Variants in OSBPL5 observed in about 807,000 individuals in gnomAD.
OSBPL5 encodes the protein oxysterol-binding protein-related protein 5.
A neutral mutation model predicts 111.2 loss-of-function variants in OSBPL5; 71 were observed. The ratio of observed to expected loss-of-function variants is 0.64; its 90% CI spans 0.53 to 0.78. The LOEUF is 0.78. OSBPL5 is among the 30% of genes least tolerant of loss of function. The pLI is 0.00. For synonymous variants in OSBPL5, 549 were observed against 513.9 expected (o/e 1.07, Z -0.93); for missense variants, 1,210 against 1,189.3 (o/e 1.02, Z -0.26).
chr11:3,127,753 T>C (rs374862303), intron 2 of OSBPL5, among the ~76,000 whole-genome samples: 2 of 152,134 alleles, frequency 1.3e-5, no homozygotes, highest in Admixed American at 6.5e-5. Flanking sequence ...CTGGGGCCCT[T>C]GGACCACTCA....
rs1564829784 is a variant in OSBPL5, at chr11:3,103,745, A to AGCCTGTGCCG, written c.1245-426_1245-425insCGGCACAGGC. Reference sequence around the variant, plus strand: ...TCTGCTGCCCCTTCCTGCCTCTGCAACCCTCTTCCAGCTCTGCAGCCCCCT... The same window carrying AGCCTGTGCCG: ...TCTGCTGCCCCTTCCTGCCTCTGCAAGCCTGTGCCGCCCTCTTCCAGCTCTGCAGCCCCCT... On this transcript the variant is annotated intron_variant, in intron 10 of 21. Transcript: ENST00000263650. Among the ~76,000 whole-genome samples, 34 of 51,316 alleles carry AGCCTGTGCCG rather than the reference A, an allele frequency of 6.6e-4. 3 individuals carry two copies. In the South Asian group the frequency reaches 0.011, roughly 16 times the overall value. The allele number at this position is 51,316 out of a possible 152,430, so 33.7% of individuals were successfully genotyped here. A position where few individuals can be genotyped will look rare whatever the true frequency, so the allele number is the denominator to read the frequency against.
At chr11:3,111,819 T>A (rs2134434968) in intron 7 of OSBPL5, among the ~76,000 whole-genome samples, 1 of 152,338 alleles carries the variant, frequency 6.6e-6, no homozygotes, top group Middle Eastern at 3.4e-3. Flanking sequence ...TAGGCCAAAC[T>A]GAAAGAGTAA....
At position 3,090,536 on chromosome 11, in the gene OSBPL5, G is replaced by T. The variant is rs746380957; in HGVS notation, c.2398+22C>A. 13 of 1,608,192 alleles carry T rather than the reference G, an allele frequency of 8.1e-6. No individual in the cohort carries two copies. In the East Asian group the frequency reaches 2.7e-4, roughly 33 times the overall value. ...GCACCCCACCAGACAGAGGCCTTGGGGCTGGGCCCAAGGGGGCTCACCAGG... is the reference window on the plus strand; with the variant it reads ...GCACCCCACCAGACAGAGGCCTTGGTGCTGGGCCCAAGGGGGCTCACCAGG... On this transcript the variant is annotated intron_variant, in intron 20 of 21. Coordinates refer to ENST00000263650, the MANE Select transcript of OSBPL5 (RefSeq NM_020896.4).
Position 3,088,163 on chromosome 11 carries a change from G to T in OSBPL5, c.*42C>A, listed in dbSNP as rs1450322978. 2.0e-6 allele frequency: 3 copies of T among 1,493,748 alleles called. No homozygotes were observed. The highest frequency in any genetic ancestry group is 1.3e-5 in the South Asian group (1 of 74,074). 92.5% of individuals were successfully genotyped at this position (1,493,748 alleles called of 1,614,324 possible). ...GGCTTAAAGTGCTGGGTGCCTGGGAGGGAGGGCTCAGGACCGGCCAGGAGC... is the reference window on the plus strand; with the variant it reads ...GGCTTAAAGTGCTGGGTGCCTGGGATGGAGGGCTCAGGACCGGCCAGGAGC... On this transcript the variant is annotated 3_prime_UTR_variant, in exon 22 of 22. Transcript: ENST00000263650.
chr11:3,138,886 C>A (rs1479618940), intron 1 of OSBPL5, among the ~76,000 whole-genome samples: 2 of 152,230 alleles, frequency 1.3e-5, no homozygotes, highest in Non-Finnish European at 2.9e-5. Context: ...GCTCATCCTC[C>A]TAATTCCAGG....
chr11:3,119,962 T>C (rs1207961859), intron 6 of OSBPL5: 2 of 422,126 alleles, frequency 4.7e-6, no homozygotes, highest in Non-Finnish European at 8.5e-6. Flanking sequence ...GAGTAGCTTT[T>C]TGGTGTAAGT....
intron 14 of OSBPL5, among the ~76,000 whole-genome samples, 189 bp downstream of exon 14, chr11:3,099,969 G>C (rs1036649120): frequency 7.3e-6 from 1 of 136,514 alleles, no homozygotes; most frequent in Non-Finnish European, 1.5e-5. Flanking sequence ...TTGGAGCCAA[G>C]ATCACGCCAT....
intron 10 of OSBPL5, among the ~76,000 whole-genome samples, chr11:3,103,779 C>A (rs111992648): frequency 0.086 from 4,931 of 57,444 alleles, 428 homozygotes; most frequent in African/African-American, 0.23. Flanking sequence ...CTTCCAGCCT[C>A]TGCAGTCCCT....
chr11:3,088,020 CCT>C lies in OSBPL5; in HGVS notation c.*183_*184del. The stretch of plus-strand genomic sequence containing the variant: ...AAGGCCCTGCAGAGAGGCCAGTGCC[CCT>C]GAGAGGGGCCCAGCACACCTGGGCC... On this transcript the variant is annotated 3_prime_UTR_variant, in exon 22 of 22. Coordinates refer to ENST00000263650, the MANE Select transcript of OSBPL5 (RefSeq NM_020896.4). The C allele has an allele frequency of 2.0e-6, 1 of 509,648 alleles. No individual in the cohort carries two copies. Among genetic ancestry groups the C allele is most frequent in the Non-Finnish European group, 3.3e-6 (1 of 301,536 alleles). The allele number at this position is 509,648 out of a possible 1,614,324, so 31.6% of individuals were successfully genotyped here. A position where few individuals can be genotyped will look rare whatever the true frequency, so the allele number is the denominator to read the frequency against.
At chr11:3,118,256 T>C (rs1415098610) in intron 7 of OSBPL5, among the ~76,000 whole-genome samples, 1 of 152,194 alleles carries the variant, frequency 6.6e-6, no homozygotes, top group African/African-American at 2.4e-5. Context: ...TGCCCCCCCA[T>C]TCTATTCCAA....
Position 3,142,418 on chromosome 11 carries a change from A to G in OSBPL5, c.-21-13249T>C, listed in dbSNP as rs572284984. ...ACAACTGGGAAGCCCCTACCTCTCC[A>G]CCACGACCCCTCCATGCCCTGCTGC... On this transcript the variant is annotated intron_variant, in intron 1 of 21. Coordinates refer to ENST00000263650, the MANE Select transcript of OSBPL5 (RefSeq NM_020896.4). This position sits in a 1 kb window ranked among gnomAD's most constrained non-coding sequence, Gnocchi z 7.1. Among the ~76,000 whole-genome samples, 25 of 151,976 alleles carry G rather than the reference A, an allele frequency of 1.6e-4. 1 individual carries two copies. In the Middle Eastern group the frequency reaches 0.017, roughly 103 times the overall value.
Position 3,113,870 on chromosome 11 carries a change from G to T in OSBPL5, c.691+5677C>A, listed in dbSNP as rs944847069. Among the ~76,000 whole-genome samples, 2 of 152,158 alleles carry T rather than the reference G, an allele frequency of 1.3e-5. No individual in the cohort carries two copies. The highest frequency in any genetic ancestry group is 2.9e-5 in the Non-Finnish European group (2 of 68,030). On this transcript the variant is annotated intron_variant, in intron 7 of 21. Transcript: ENST00000263650. The surrounding 1 kb of genome is among the most constrained non-coding windows in gnomAD (Gnocchi z 4.8). ...CTATGCCCAGGAATGAACAAGGATA[G>T]CTTGAAGGTTAGAAACAAGATGGAG... is the stretch of plus-strand genomic sequence containing the variant.
At chr11:3,116,812 G>A (rs906189375) in intron 7 of OSBPL5, among the ~76,000 whole-genome samples, 9 of 140,006 alleles carry the variant, frequency 6.4e-5, no homozygotes, top group East Asian at 6.2e-4. Context: ...CCGAGATGGC[G>A]CCACTGCACT....
At position 3,092,292 on chromosome 11, in the gene OSBPL5, A is replaced by C; in HGVS notation, c.2259+140T>G. On this transcript the variant is annotated intron_variant, in intron 19 of 21. Coordinates refer to ENST00000263650, the MANE Select transcript of OSBPL5 (RefSeq NM_020896.4). The surrounding 1 kb of genome is among the most constrained non-coding windows in gnomAD (Gnocchi z 5.4). ...GAGTCCCATGCTCGGCAGAGAAGGA[A>C]AGGGGACGAGGGGGCTGGGGGATGA... 1 of 1,212,060 alleles carries C rather than the reference A, an allele frequency of 8.3e-7. No homozygotes were observed. The highest frequency in any genetic ancestry group is 1.1e-6 in the Non-Finnish European group (1 of 903,278). The allele number at this position is 1,212,060 out of a possible 1,614,324, so 75.1% of individuals were successfully genotyped here. A position where few individuals can be genotyped will look rare whatever the true frequency, so the allele number is the denominator to read the frequency against.
chr11:3,144,707 C>G (rs1170517056), intron 1 of OSBPL5, among the ~76,000 whole-genome samples: 1 of 152,250 alleles, frequency 6.6e-6, no homozygotes, highest in East Asian at 1.9e-4. Flanking sequence ...AACATGTCCC[C>G]CTTACAAATC....
At position 3,109,764 on chromosome 11, in the gene OSBPL5, G is replaced by A. The variant is rs1461228831; in HGVS notation, c.692-1819C>T. Among the ~76,000 whole-genome samples, 5 of 152,294 alleles carry A rather than the reference G, an allele frequency of 3.3e-5. No individual in the cohort carries two copies. Among genetic ancestry groups the A allele is most frequent in the Non-Finnish European group, 1.5e-5 (1 of 68,016 alleles). On this transcript the variant is annotated intron_variant, in intron 7 of 21. Transcript: ENST00000263650. This position sits in a 1 kb window ranked among gnomAD's most constrained non-coding sequence, Gnocchi z 7.4. Reference sequence around the variant, plus strand: ...GTGGGGAGCTGGAGGGGTCACAACTGCCGAGTTGGCCCCAGGGCCTGAACA... The same window carrying A: ...GTGGGGAGCTGGAGGGGTCACAACTACCGAGTTGGCCCCAGGGCCTGAACA...
chr11:3,117,282 G>A (rs1226637050), intron 7 of OSBPL5, among the ~76,000 whole-genome samples: 3 of 152,198 alleles, frequency 2.0e-5, no homozygotes, highest in Non-Finnish European at 4.4e-5. Context: ...CAGGGTTCCT[G>A]ACCTGTGGTA....
rs541172888 is a variant in OSBPL5 at position 3,091,528 on chromosome 11, G to A, written c.2260-832C>T. ...TGGGAGGCTGCAGAGGGCATTGGGG[G>A]TGGACATCTGCTGGAGATTGGTGGG... On this transcript the variant is annotated intron_variant, in intron 19 of 21. Coordinates refer to ENST00000263650, the MANE Select transcript of OSBPL5 (RefSeq NM_020896.4). Among the ~76,000 whole-genome samples, 197 of 152,250 alleles carry A rather than the reference G, an allele frequency of 1.3e-3. 1 individual carries two copies. Among genetic ancestry groups the A allele is most frequent in the Non-Finnish European group, 1.8e-4 (12 of 68,012 alleles).
chr11:3,121,121 T>A lies in OSBPL5; in HGVS notation c.403-497A>T, dbSNP rs145930741. Among the ~76,000 whole-genome samples, 3,163 of 149,524 alleles carry A rather than the reference T, an allele frequency of 0.021. 49 individuals are homozygous for A. Among genetic ancestry groups the A allele is most frequent in the Non-Finnish European group, 0.03 (2,031 of 67,476 alleles). ...GCCCAGGCTGGAGGTGCAGTGGTGC[T>A]ATCTTGGCTCGCTGCAAACTCTGCC... is the stretch of plus-strand genomic sequence containing the variant. On this transcript the variant is annotated intron_variant, in intron 5 of 21. Coordinates refer to ENST00000263650, the MANE Select transcript of OSBPL5 (RefSeq NM_020896.4). This position sits in a 1 kb window ranked among gnomAD's most constrained non-coding sequence, Gnocchi z 4.3.
Sources: gnomAD v4.1 joint callset for allele counts (sites outside exome capture counted in the v4.1 genomes callset) on GRCh38, gnomAD v4.1.1 for gene constraint, Gnocchi (gnomAD v3.1) non-coding constraint, MANE v1.5 for transcripts, NCBI Gene and HGNC (gene_info 2026-07-23, HGNC 2026-07-21) for gene names.